NTRK2: variants seen among roughly 807,000 people sequenced by gnomAD.
NTRK2 encodes BDNF/NT-3 growth factors receptor.
A neutral mutation model predicts 94.5 loss-of-function variants in NTRK2; 13 were observed. That is an observed-to-expected ratio of 0.14 (90% CI 0.09 to 0.22). The LOEUF (loss-of-function observed/expected upper bound fraction) is 0.22. Among genes scored for constraint, NTRK2 ranks in the 10% least tolerant of loss-of-function variants. The pLI is 1.00. For synonymous variants in NTRK2, 372 were observed against 407.4 expected (o/e 0.91, Z 1.05); for missense variants, 639 against 1,071.2 (o/e 0.60, Z 5.63).
chr9:84,983,983 C>T (rs1245588788), intron 17 of NTRK2, among the ~76,000 whole-genome samples: 1 of 152,182 alleles, frequency 6.6e-6, no homozygotes, highest in Admixed American at 6.5e-5. Context: ...CTCCTACTGA[C>T]TTGAAGAGCT....
intron 17 of NTRK2, among the ~76,000 whole-genome samples, chr9:85,013,806 C>G (rs554613446): frequency 7.2e-5 from 11 of 152,292 alleles, no homozygotes; most frequent in African/African-American, 2.6e-4. Flanking sequence ...GGGGCTTGCC[C>G]TTTGGCCTAC....
chr9:84,706,521 G>GTTTTTTTTTT lies in NTRK2; in HGVS notation c.360-1318_360-1317insTTTTTTTTTT, dbSNP rs1173199220. Among the ~76,000 whole-genome samples the GTTTTTTTTTT allele has an allele frequency of 1.5e-3, 147 of 95,354 alleles. 19 individuals carry two copies. Among genetic ancestry groups the GTTTTTTTTTT allele is most frequent in the Middle Eastern group, 5.6e-3 (1 of 180 alleles). 62.6% of individuals were successfully genotyped at this position (95,354 alleles called of 152,430 possible). ...TCAGATCTCATGTGTGTTATTTTTT[G>GTTTTTTTTTT]TTTTTGTTTTTTTTTTTTTTTTTTT... is the stretch of plus-strand genomic sequence containing the variant. On this transcript the variant is annotated intron_variant, in intron 4 of 18. Transcript: ENST00000277120.
At chr9:84,748,967 TCATGCCTGTAATCC>T (rs2064340057) in intron 11 of NTRK2, among the ~76,000 whole-genome samples, 1 of 152,172 alleles carries the variant, frequency 6.6e-6, no homozygotes, top group Non-Finnish European at 1.5e-5. Context: ...GCATGGTGGC[TCATGCCTGTAATCC>T]CAGGACTTAG....
At chr9:84,949,445 GATTTATTTATTTATTTATTT>G (rs71959281) in intron 16 of NTRK2, among the ~76,000 whole-genome samples, 12 of 147,788 alleles carry the variant, frequency 8.1e-5, no homozygotes, top group Admixed American at 4.7e-4. Flanking sequence ...GATTGGTTGG[GATTTATTTATTTATTTATTT>G]ATTTATTTAT....
At chr9:84,849,727 G>C (rs2131869200) in intron 12 of NTRK2, among the ~76,000 whole-genome samples, 1 of 152,234 alleles carries the variant, frequency 6.6e-6, no homozygotes, top group East Asian at 1.9e-4. Context: ...AGAAAGAACA[G>C]GGTGCCTTGG....
intron 12 of NTRK2, among the ~76,000 whole-genome samples, chr9:84,780,835 C>T (rs1319144102): frequency 6.6e-6 from 1 of 152,104 alleles, no homozygotes; most frequent in Non-Finnish European, 1.5e-5. Context: ...GTTTTTTCCT[C>T]TCTAAAAGAA....
intron 12 of NTRK2, among the ~76,000 whole-genome samples, chr9:84,789,315 A>G (rs1212376143): frequency 6.6e-6 from 1 of 152,190 alleles, no homozygotes; most frequent in African/African-American, 2.4e-5. Flanking sequence ...GGGAACAGCC[A>G]GAAGCCTCGG....
At chr9:84,724,178 G>A (rs199811905) in intron 7 of NTRK2, 46 bp from the exon 8 acceptor site, 238 of 1,611,530 alleles carry the variant, frequency 1.5e-4, no homozygotes, top group Non-Finnish European at 3.5e-5. Flanking sequence ...GTCACTTTGG[G>A]ATCAATCCTA....
At chr9:84,946,987 G>A (rs558983596) in intron 15 of NTRK2, among the ~76,000 whole-genome samples, 6 of 152,028 alleles carry the variant, frequency 3.9e-5, no homozygotes, top group South Asian at 2.1e-4. Flanking sequence ...ACAGAGTCTC[G>A]CTCTGTCGCT....
intron 2 of NTRK2, among the ~76,000 whole-genome samples, chr9:84,697,027 A>T (rs1378658197): frequency 6.6e-6 from 1 of 152,204 alleles, no homozygotes; most frequent in African/African-American, 2.4e-5. Context: ...GCCACCAATG[A>T]TTCCTGGCAG....
chr9:84,912,634 T>TA (rs1491580306), intron 14 of NTRK2, among the ~76,000 whole-genome samples: 5 of 126,156 alleles, frequency 4.0e-5, no homozygotes, highest in Admixed American at 7.6e-5. Flanking sequence ...TTTTTTTTTT[T>TA]ATGAGATGGA....
intron 17 of NTRK2, among the ~76,000 whole-genome samples, chr9:84,986,664 T>A (rs1828350281): frequency 6.6e-6 from 1 of 151,662 alleles, no homozygotes; most frequent in Admixed American, 6.6e-5. Flanking sequence ...TCATGGTTGT[T>A]TATGCATCTC....
At chr9:84,881,650 C>T (rs1213438641) in intron 14 of NTRK2, among the ~76,000 whole-genome samples, 1 of 152,168 alleles carries the variant, frequency 6.6e-6, no homozygotes, top group Non-Finnish European at 1.5e-5. Context: ...TACATCTCTA[C>T]TTCATTGAGC....
intron 14 of NTRK2, among the ~76,000 whole-genome samples, chr9:84,895,212 G>A (rs1017024460): frequency 1.3e-5 from 2 of 152,164 alleles, no homozygotes; most frequent in African/African-American, 4.8e-5. Flanking sequence ...TCACTTTTAA[G>A]CAATTATTTG....
chr9:84,915,108 C>T (rs2077355897), intron 14 of NTRK2, among the ~76,000 whole-genome samples: 1 of 152,138 alleles, frequency 6.6e-6, no homozygotes, highest in South Asian at 2.1e-4. Flanking sequence ...GAATCTAATG[C>T]CGCTGCCGAT....
At chr9:84,842,189 A>G (rs1587627798) in intron 12 of NTRK2, among the ~76,000 whole-genome samples, 1 of 152,250 alleles carries the variant, frequency 6.6e-6, no homozygotes. Flanking sequence ...TTGTCTGGGT[A>G]TAGGACGTAC....
At chr9:85,003,215 C>G (rs1402487406) in intron 17 of NTRK2, among the ~76,000 whole-genome samples, 1 of 151,980 alleles carries the variant, frequency 6.6e-6, no homozygotes, top group Admixed American at 6.5e-5. Context: ...TTCCTGGAGG[C>G]CAGCATGGAG....
chr9:84,833,703 A>G (rs1418988391), intron 12 of NTRK2, among the ~76,000 whole-genome samples: 1 of 152,168 alleles, frequency 6.6e-6, no homozygotes, highest in Admixed American at 6.5e-5. Flanking sequence ...ATGAGTGTCC[A>G]ATCCATTCTT....
chr9:84,833,589 GAA>G (rs921642747), intron 12 of NTRK2, among the ~76,000 whole-genome samples: 8 of 141,624 alleles, frequency 5.6e-5, no homozygotes, highest in African/African-American at 2.2e-4. Flanking sequence ...CAGAAGGAAA[GAA>G]AGAGAAAAAG....
Sources: gnomAD v4.1 joint callset for allele counts (sites outside exome capture counted in the v4.1 genomes callset) on GRCh38, gnomAD v4.1.1 for gene constraint, MANE v1.5 for transcripts, NCBI Gene and HGNC (gene_info 2026-07-23, HGNC 2026-07-21) for gene names.